GPD1L: variants seen among roughly 807,000 people sequenced by gnomAD.
GPD1L encodes the protein glycerol-3-phosphate dehydrogenase 1 like.
A neutral mutation model predicts 32.9 loss-of-function variants in GPD1L; 17 were observed. The observed-to-expected ratio is 0.52, with a 90% confidence interval of 0.35 to 0.78. GPD1L has a LOEUF of 0.78. Ranked by LOEUF, GPD1L falls within the 30% of genes least tolerant of loss-of-function variation. The pLI is 0.01. For synonymous variants in GPD1L, 187 were observed against 165.9 expected (o/e 1.13, Z -0.98); for missense variants, 361 against 447.8 (o/e 0.81, Z 1.75).
chr3:32,136,071 G>A (rs1296838774), intron 2 of GPD1L, among the ~76,000 whole-genome samples: 1 of 152,168 alleles, frequency 6.6e-6, no homozygotes, highest in East Asian at 1.9e-4. Context: ...TGTAACTAAA[G>A]ATCCAGGCAG....
At chr3:32,123,896 C>T (rs776586671) in intron 1 of GPD1L, among the ~76,000 whole-genome samples, 3 of 152,036 alleles carry the variant, frequency 2.0e-5, no homozygotes, top group Admixed American at 6.6e-5. Flanking sequence ...CAGAAAGCAG[C>T]TGAGACATGG....
At chr3:32,128,861 G>C (rs934222750) in intron 2 of GPD1L, among the ~76,000 whole-genome samples, 1 of 152,206 alleles carries the variant, frequency 6.6e-6, no homozygotes, top group East Asian at 1.9e-4. Context: ...AGATCAGCTT[G>C]CTAGGACAGC....
chr3:32,149,683 C>T (rs978504808), intron 5 of GPD1L, among the ~76,000 whole-genome samples: 1 of 152,206 alleles, frequency 6.6e-6, no homozygotes, highest in Non-Finnish European at 1.5e-5. Context: ...CATGGTGGCT[C>T]ACACCTGTAA....
chr3:32,138,039 CA>C (rs1700691090), intron 2 of GPD1L, among the ~76,000 whole-genome samples: 2 of 152,328 alleles, frequency 1.3e-5, no homozygotes, highest in African/African-American at 4.8e-5. Flanking sequence ...TGCCTGGCAG[CA>C]GGGACAGCTG....
chr3:32,158,762 A>G (rs1701032155), intron 5 of GPD1L, 114 bp from the exon 6 acceptor site: 1 of 1,541,346 alleles, frequency 6.5e-7, no homozygotes, highest in Non-Finnish European at 8.7e-7. Context: ...AGTATTTTGA[A>G]GATGGAGCCA....
intron 1 of GPD1L, among the ~76,000 whole-genome samples, chr3:32,126,834 C>G (rs1481883918): frequency 1.3e-5 from 2 of 152,222 alleles, no homozygotes; most frequent in Non-Finnish European, 2.9e-5. Context: ...GATCCCACCA[C>G]AGAAGTGCCA....
At position 32,128,211 on chromosome 3, in the gene GPD1L, A is replaced by C. The variant is rs1559573131; in HGVS notation, c.183A>C (p.Glu61Asp). Residue 61 changes from glutamate (E) to aspartate (D), a missense_variant, in exon 2 of 8, where the codon GAA (glutamate) becomes GAC (aspartate). Glu to Asp is a conservative substitution (Grantham distance 45). Transcript: ENST00000282541. ...KLTDIINNDH[E>D]NVKYLPGHKL... is the part of the protein sequence containing the mutation. ...CAGACATCATAAATAATGACCATGA[A>C]AATGTAAAATATCTTCCTGGACACA... 2 of 1,613,976 alleles carry C rather than the reference A, an allele frequency of 1.2e-6. No homozygotes were observed. Among genetic ancestry groups the C allele is most frequent in the Admixed American group, 1.7e-5 (1 of 60,030 alleles).
chr3:32,166,168 G>A lies in GPD1L; in HGVS notation c.*258G>A, dbSNP rs1701144024. 1 of 512,724 alleles carries A rather than the reference G, an allele frequency of 2.0e-6. No individual in the cohort carries two copies. Among genetic ancestry groups the A allele is most frequent in the Non-Finnish European group, 3.5e-6 (1 of 285,096 alleles). 31.8% of individuals were successfully genotyped at this position (512,724 alleles called of 1,614,324 possible). A position where few individuals can be genotyped will look rare whatever the true frequency, so the allele number is the denominator to read the frequency against. On this transcript the variant is annotated 3_prime_UTR_variant, in exon 8 of 8. Transcript: ENST00000282541. Reference sequence around the variant, plus strand: ...TGGATGTTTCTATGAGCCAAAATTTGATGTCTTTTTTTCAAAATTGCTTAT... The same window carrying A: ...TGGATGTTTCTATGAGCCAAAATTTAATGTCTTTTTTTCAAAATTGCTTAT...
intron 2 of GPD1L, among the ~76,000 whole-genome samples, chr3:32,131,484 A>G (rs925552933): frequency 6.6e-6 from 1 of 152,162 alleles, no homozygotes; most frequent in African/African-American, 2.4e-5. Flanking sequence ...TCCATATTTC[A>G]TGTAAATTGC....
At chr3:32,123,791 A>AAG (rs1700459360) in intron 1 of GPD1L, among the ~76,000 whole-genome samples, 1 of 126,890 alleles carries the variant, frequency 7.9e-6, no homozygotes, top group Non-Finnish European at 1.7e-5. Flanking sequence ...CAGGAATTGA[A>AAG]AGATAGATAG....
At chr3:32,115,331 CACAGAGTGCTGATTGGTGCATTTTT>C (rs1700312623) in intron 1 of GPD1L, among the ~76,000 whole-genome samples, 1 of 151,936 alleles carries the variant, frequency 6.6e-6, no homozygotes, top group Non-Finnish European at 1.5e-5. Context: ...TTTAGCTAGA[CACAGAGTGCTGATTGGTGCATTTTT>C]ACAGAGTGCT....
chr3:32,160,887 CCACTG>C (rs200334147), intron 7 of GPD1L, among the ~76,000 whole-genome samples: 5,097 of 152,234 alleles, frequency 0.033, 299 homozygotes, highest in African/African-American at 0.12. Flanking sequence ...GCCAACTACA[CCACTG>C]CATAAATGCT....
rs577949602 is a variant in GPD1L, at chr3:32,157,503, T to C, written c.619-1373T>C. On this transcript the variant is annotated intron_variant, in intron 5 of 7. Transcript: ENST00000282541. The stretch of plus-strand genomic sequence containing the variant: ...ATTCCCCCTGCCACCCGCTAGCCCC[T>C]GCAATCACTGTGTCCCTCCAGGGCT... Among the ~76,000 whole-genome samples the C allele has an allele frequency of 3.3e-5, 5 of 152,268 alleles. No individual in the cohort carries two copies. The East Asian group carries it at 5.8e-4, about 18-fold the overall frequency.
chr3:32,150,109 T>A (rs1700891123), intron 5 of GPD1L, among the ~76,000 whole-genome samples: 2 of 152,210 alleles, frequency 1.3e-5, no homozygotes, highest in Admixed American at 1.3e-4. Flanking sequence ...CCTTTGAGGT[T>A]CCTCATCACC....
At chr3:32,113,183 T>C (rs1370753964) in intron 1 of GPD1L, among the ~76,000 whole-genome samples, 1 of 152,206 alleles carries the variant, frequency 6.6e-6, no homozygotes, top group African/African-American at 2.4e-5. Flanking sequence ...TGACAGATGA[T>C]TATAGTTTAC....
At chr3:32,108,745 T>G (rs967582554) in intron 1 of GPD1L, among the ~76,000 whole-genome samples, 4 of 152,248 alleles carry the variant, frequency 2.6e-5, no homozygotes, top group African/African-American at 4.8e-5. Flanking sequence ...GTGAGCTGCA[T>G]TTTTCAACCA....
chr3:32,153,465 G>A (rs1047374279), intron 5 of GPD1L, among the ~76,000 whole-genome samples: 1 of 152,066 alleles, frequency 6.6e-6, no homozygotes, highest in Admixed American at 6.5e-5. Flanking sequence ...AACTTCTATT[G>A]GACAACGCTC....
intron 5 of GPD1L, among the ~76,000 whole-genome samples, chr3:32,156,149 C>G (rs562228731): frequency 6.6e-6 from 1 of 152,216 alleles, no homozygotes; most frequent in Non-Finnish European, 1.5e-5. Context: ...TTTCACACGG[C>G]TTCTGCCTTG....
At chr3:32,137,903 A>G (rs1014412352) in intron 2 of GPD1L, among the ~76,000 whole-genome samples, 2 of 152,228 alleles carry the variant, frequency 1.3e-5, no homozygotes, top group African/African-American at 4.8e-5. Context: ...CGAGGGAATC[A>G]ACAGGGGTTG....
Sources: gnomAD v4.1 joint callset for allele counts (sites outside exome capture counted in the v4.1 genomes callset) on GRCh38, gnomAD v4.1.1 for gene constraint, MANE v1.5 for transcripts, NCBI Gene and HGNC (gene_info 2026-07-23, HGNC 2026-07-21) for gene names.